The following RNF144A variants were observed in gnomAD, a reference collection of about 807,000 sequenced individuals.
The protein encoded by RNF144A is E3 ubiquitin-protein ligase RNF144A.
Under a neutral mutation model 38.7 loss-of-function variants are expected in RNF144A, and 11 were observed. The ratio of observed to expected loss-of-function variants is 0.28; its 90% CI spans 0.18 to 0.47. The LOEUF is 0.47. RNF144A is among the 20% of genes least tolerant of loss of function. The probability of loss-of-function intolerance (pLI) is 0.99; values close to 1 mark genes in which losing one functional copy is unlikely to be tolerated. For synonymous variants in RNF144A, 149 were observed against 143.9 expected (o/e 1.04, Z -0.25); for missense variants, 316 against 377.2 (o/e 0.84, Z 1.34).
At chr2:6,975,489 C>G (rs1450035485) in intron 2 of RNF144A, among the ~76,000 whole-genome samples, 4 of 152,206 alleles carry the variant, frequency 2.6e-5, no homozygotes, top group Non-Finnish European at 5.9e-5. Flanking sequence ...CTCCACTGCC[C>G]AGCCCTCCTC....
Position 7,042,786 on chromosome 2 carries a change from G to A in RNF144A, c.*3026G>A, listed in dbSNP as rs748753919. 86 of 985,236 alleles carry A rather than the reference G, an allele frequency of 8.7e-5. No individual in the cohort carries two copies. Among genetic ancestry groups the A allele is most frequent in the Non-Finnish European group, 9.8e-5 (81 of 829,840 alleles). The allele number at this position is 985,236 out of a possible 1,614,324, so 61.0% of individuals were successfully genotyped here. On this transcript the variant is annotated 3_prime_UTR_variant, in exon 9 of 9. Transcript: ENST00000320892. ...AAAGCATCGGATTGCAGGAATAACT[G>A]TCCAAATTAGTTCTTCCTCCTCAAC...
intron 2 of RNF144A, among the ~76,000 whole-genome samples, chr2:6,968,679 T>C (rs1667817128): frequency 6.9e-6 from 1 of 144,300 alleles, no homozygotes. Flanking sequence ...ACACCCAGAA[T>C]TACCTGTCAA....
intron 2 of RNF144A, among the ~76,000 whole-genome samples, chr2:6,976,528 T>A (rs1250032591): frequency 6.6e-6 from 1 of 151,038 alleles, no homozygotes; most frequent in Admixed American, 6.6e-5. Flanking sequence ...TTATTGTAAC[T>A]TTCTTTGGTT....
chr2:6,926,756 C>T (rs901185876), intron 1 of RNF144A, among the ~76,000 whole-genome samples: 8 of 152,234 alleles, frequency 5.3e-5, no homozygotes, highest in Non-Finnish European at 2.9e-5. Context: ...GAAACAGCCA[C>T]ATTCATTCAC....
intron 2 of RNF144A, among the ~76,000 whole-genome samples, chr2:6,954,612 C>T (rs1572259299): frequency 6.6e-6 from 1 of 152,188 alleles, no homozygotes; most frequent in Non-Finnish European, 1.5e-5. Context: ...TGGCTCAAAA[C>T]CTGTTTCATC....
chr2:7,010,005 G>C (rs1298750889), intron 3 of RNF144A, among the ~76,000 whole-genome samples: 1 of 152,198 alleles, frequency 6.6e-6, no homozygotes, highest in East Asian at 1.9e-4. Context: ...ACTCTGTTAG[G>C]TATGGGGAAT....
chr2:6,931,415 A>G (rs1665204343), intron 1 of RNF144A, among the ~76,000 whole-genome samples: 1 of 152,254 alleles, frequency 6.6e-6, no homozygotes. Flanking sequence ...ACAAATTACC[A>G]TTGGAATTAC....
In RNF144A at chr2:7,042,292, T is replaced by C. The variant is rs775498226; in HGVS notation, c.*2532T>C. 8.2e-5 allele frequency: 81 copies of C among 985,356 alleles called. No homozygotes were observed. The highest frequency in any genetic ancestry group is 9.5e-5 in the Non-Finnish European group (79 of 829,952). 61.0% of individuals were successfully genotyped at this position (985,356 alleles called of 1,614,324 possible). On this transcript the variant is annotated 3_prime_UTR_variant, in exon 9 of 9. Transcript: ENST00000320892. ...GGCAGATGGCCCTGGGTTTGGACTT[T>C]GATCTTGCCATCATTCCCCAGTAAA...
At chr2:6,991,770 A>G (rs1669396847) in intron 2 of RNF144A, among the ~76,000 whole-genome samples, 1 of 152,166 alleles carries the variant, frequency 6.6e-6, no homozygotes, top group Non-Finnish European at 1.5e-5. Flanking sequence ...TCTCATACAT[A>G]CATATATAAT....
At chr2:6,965,595 A>G (rs919867453) in intron 2 of RNF144A, among the ~76,000 whole-genome samples, 2 of 152,172 alleles carry the variant, frequency 1.3e-5, no homozygotes, top group Non-Finnish European at 2.9e-5. Context: ...CTCAGTGGCA[A>G]GGGTGGAGCT....
At chr2:7,027,434 A>G (rs191608615) in intron 7 of RNF144A, among the ~76,000 whole-genome samples, 14 of 152,184 alleles carry the variant, frequency 9.2e-5, no homozygotes, top group African/African-American at 2.2e-4. Context: ...CCCTTAACGC[A>G]CAGTATTTCT....
chr2:6,991,354 A>C (rs1447369552), intron 2 of RNF144A, among the ~76,000 whole-genome samples: 16 of 152,174 alleles, frequency 1.1e-4, no homozygotes, highest in Admixed American at 1.0e-3. Context: ...ACAGTTCTCC[A>C]ATCTCTGCTG....
intron 2 of RNF144A, among the ~76,000 whole-genome samples, chr2:6,959,302 G>A (rs1667189798): frequency 6.6e-6 from 1 of 152,166 alleles, no homozygotes; most frequent in Admixed American, 6.5e-5. Flanking sequence ...TAAAAAGGAA[G>A]CAGAGGGATT....
chr2:6,963,925 G>A (rs1431299367), intron 2 of RNF144A, among the ~76,000 whole-genome samples: 1 of 152,100 alleles, frequency 6.6e-6, no homozygotes, highest in East Asian at 1.9e-4. Flanking sequence ...GGAATGGGTC[G>A]ACCTGGCCTT....
intron 2 of RNF144A, among the ~76,000 whole-genome samples, chr2:6,970,839 A>ACTAG (rs1470059455): frequency 6.6e-6 from 1 of 152,228 alleles, no homozygotes; most frequent in Non-Finnish European, 1.5e-5. Context: ...CCAGTGGCCT[A>ACTAG]GTCCTTCCTC....
In RNF144A at chr2:7,019,982, C is replaced by T. The variant is rs114884689; in HGVS notation, c.302-491C>T. ...ATCCAGCCATCTTCCTTCCCTCTTC[C>T]TCTCGGTCTTCTAGCAGCATTTTCC... On this transcript the variant is annotated intron_variant, in intron 5 of 8. Transcript: ENST00000320892. Among the ~76,000 whole-genome samples, 909 of 152,326 alleles carry T rather than the reference C, an allele frequency of 6.0e-3. 13 individuals are homozygous for T. Among genetic ancestry groups the T allele is most frequent in the African/African-American group, 0.021 (868 of 41,588 alleles).
intron 8 of RNF144A, among the ~76,000 whole-genome samples, chr2:7,032,759 A>G (rs1672408936): frequency 6.6e-6 from 1 of 152,088 alleles, no homozygotes; most frequent in East Asian, 1.9e-4. Flanking sequence ...ATCTACAGAG[A>G]CCCTGTTTCC....
At chr2:7,064,650 G>T (rs757547111) in intron 6 of RNF144A, among the ~76,000 whole-genome samples, 6 of 152,212 alleles carry the variant, frequency 3.9e-5, no homozygotes, top group Non-Finnish European at 7.3e-5. Context: ...ACCAACACAG[G>T]CTGTAGATTA....
At position 7,039,841 on chromosome 2, in the gene RNF144A, T is replaced by A. The variant is rs1362055658; in HGVS notation, c.*81T>A. 10 of 1,544,274 alleles carry A rather than the reference T, an allele frequency of 6.5e-6. No individual in the cohort carries two copies. In the Admixed American group the frequency reaches 9.3e-5, roughly 14 times the overall value. ...ACCCTCCCCACCGTCCCCCCTTCAC[T>A]AAACATCTTTCTTGCCTTATGTGCC... On this transcript the variant is annotated 3_prime_UTR_variant, in exon 9 of 9. Coordinates refer to ENST00000320892, the MANE Select transcript of RNF144A (RefSeq NM_014746.6).
Sources: gnomAD v4.1 joint callset for allele counts (sites outside exome capture counted in the v4.1 genomes callset) on GRCh38, gnomAD v4.1.1 for gene constraint, MANE v1.5 for transcripts, NCBI Gene and HGNC (gene_info 2026-07-23, HGNC 2026-07-21) for gene names.